The following CDH3 variants were observed in gnomAD, a reference collection of about 807,000 sequenced individuals.
The protein encoded by CDH3 is cadherin 3.
A neutral mutation model predicts 82.0 loss-of-function variants in CDH3; 54 were observed. That is an observed-to-expected ratio of 0.66 (90% CI 0.53 to 0.83). The LOEUF (loss-of-function observed/expected upper bound fraction) is 0.83. CDH3 is among the 40% of genes least tolerant of loss of function. CDH3 has a pLI of 0.00. For synonymous variants in CDH3, 446 were observed against 437.9 expected, an observed-to-expected ratio of 1.02 and a Z score of -0.23; for missense variants, 1,054 against 1,084.6, an observed-to-expected ratio of 0.97 and a Z score of 0.40.
chr16:68,647,971 G>T (rs1029789018), intron 2 of CDH3, among the ~76,000 whole-genome samples: 1 of 152,172 alleles, frequency 6.6e-6, no homozygotes, highest in Non-Finnish European at 1.5e-5. Context: ...TCAGCTCAAA[G>T]AACTTATCTG....
intron 1 of CDH3, among the ~76,000 whole-genome samples, chr16:68,716,134 GGTGCAT>G (rs1962092236): frequency 6.6e-6 from 1 of 151,820 alleles, no homozygotes; most frequent in Non-Finnish European, 1.5e-5. Context: ...TGGGTGTGGT[GGTGCAT>G]GTCTGTAATC....
At chr16:68,647,542 G>A (rs1378921730) in intron 2 of CDH3, among the ~76,000 whole-genome samples, 2 of 152,092 alleles carry the variant, frequency 1.3e-5, no homozygotes, top group Non-Finnish European at 2.9e-5. Flanking sequence ...TTTGCGCCAG[G>A]AGCACACCTG....
intron 6 of CDH3, among the ~76,000 whole-genome samples, chr16:68,679,320 G>A (rs1567448369): frequency 6.6e-6 from 1 of 152,210 alleles, no homozygotes; most frequent in African/African-American, 2.4e-5. Flanking sequence ...CAGACTGTTA[G>A]GTAATACAGA....
At chr16:68,681,739 G>A (rs576339601) in intron 8 of CDH3, among the ~76,000 whole-genome samples, 3 of 152,150 alleles carry the variant, frequency 2.0e-5, no homozygotes, top group African/African-American at 7.2e-5. Context: ...TTGGGAAGCT[G>A]AGACATGAGG....
intron 2 of CDH3, among the ~76,000 whole-genome samples, chr16:68,668,920 A>G (rs1960813395): frequency 6.6e-6 from 1 of 152,174 alleles, no homozygotes; most frequent in South Asian, 2.1e-4. Flanking sequence ...TTTGAACACT[A>G]TCCCATTTAA....
At chr16:68,679,598 G>A (rs1046793988) in intron 6 of CDH3, among the ~76,000 whole-genome samples, 4 of 146,074 alleles carry the variant, frequency 2.7e-5, no homozygotes, top group Admixed American at 7.1e-5. Flanking sequence ...AGGAGGCTGA[G>A]GCAGGAGAAT....
rs142269020 is a variant in CDH3 at position 68,721,957 on chromosome 16, C to T, written c.100-468C>T. On this transcript the variant is annotated intron_variant, in intron 1 of 2. Transcript: ENST00000569080. ...ATACAAAAGTTAGCTGGGTGTGTGG[C>T]GGGTGCCTGTAACTCCAGCTACTCA... Among the ~76,000 whole-genome samples the T allele has an allele frequency of 5.8e-3, 878 of 151,986 alleles. 9 individuals are homozygous for T. The highest frequency in any genetic ancestry group is 0.019 in the African/African-American group (794 of 41,472).
At position 68,695,842 on chromosome 16, in the gene CDH3, C is replaced by G; in HGVS notation, c.2199C>G (p.Asp733Glu). Residue 733 changes from aspartate to glutamate, a missense_variant, in exon 15 of 16, where the codon GAC becomes GAG. Asp to Glu is a conservative substitution (Grantham distance 45). Coordinates refer to ENST00000264012, the MANE Select transcript of CDH3 (RefSeq NM_001793.6). Reference protein sequence around the residue: ...EARPEVVLRNDVAPTIIPTPM... With the variant: ...EARPEVVLRNEVAPTIIPTPM... ...GGCCGGAGGTGGTTCTCCGCAATGACGTGGCACCAACCATCATCCCGACAC... is the reference window on the plus strand; with the variant it reads ...GGCCGGAGGTGGTTCTCCGCAATGAGGTGGCACCAACCATCATCCCGACAC... 6.2e-7 allele frequency: 1 copy of G among 1,614,100 alleles called. No homozygotes were observed. Among genetic ancestry groups the G allele is most frequent in the South Asian group, 1.1e-5 (1 of 91,068 alleles).
At position 68,713,618 on chromosome 16, in the gene CDH3, A is replaced by G. The variant is rs114169373; in HGVS notation, c.100-8807A>G. Among the ~76,000 whole-genome samples, 744 of 152,182 alleles carry G rather than the reference A, an allele frequency of 4.9e-3. 5 individuals are homozygous for G. The highest frequency in any genetic ancestry group is 0.017 in the African/African-American group (715 of 41,510). On this transcript the variant is annotated intron_variant, in intron 1 of 2. Coordinates refer to the CDH3 transcript ENST00000569080. ...CCAGAGTGACCTTTCCGGAACGCAG[A>G]TCCCATCACATCCCTTCTCTGCTTA...
In CDH3 at chr16:68,645,700, C is replaced by T. The variant is rs1455527740; in HGVS notation, c.110C>T (p.Thr37Ile). Reference protein sequence around the residue: ...CRAVFREAEVTLEAGGAEQEP... With the variant: ...CRAVFREAEVILEAGGAEQEP... ...GCGGTCTTCAGGGAGGCTGAAGTGACCTTGGAGGCGGGAGGCGCGGAGCAG... is the reference window on the plus strand; with the variant it reads ...GCGGTCTTCAGGGAGGCTGAAGTGATCTTGGAGGCGGGAGGCGCGGAGCAG... Residue 37 changes from threonine (T) to isoleucine (I), a missense_variant, in exon 2 of 16, where the codon ACC (threonine) becomes ATC (isoleucine). Physicochemically the swap from Thr to Ile is moderately conservative, Grantham distance 89 (BLOSUM62 -1). Transcript: ENST00000264012. 11 of 1,546,382 alleles carry T rather than the reference C, an allele frequency of 7.1e-6. No individual in the cohort carries two copies. The highest frequency in any genetic ancestry group is 8.7e-6 in the Non-Finnish European group (10 of 1,146,598).
At chr16:68,676,528 A>C in intron 3 of CDH3, 58 bp downstream of exon 3, 1 of 1,382,538 alleles carries the variant, frequency 7.2e-7, no homozygotes, top group Non-Finnish European at 1.0e-6. Flanking sequence ...GCATGCCCAA[A>C]TTGCTGGCCA....
intron 2 of CDH3, among the ~76,000 whole-genome samples, chr16:68,652,125 G>C (rs1428617632): frequency 1.3e-5 from 2 of 152,186 alleles, no homozygotes; most frequent in African/African-American, 4.8e-5. Context: ...GCAACAAACA[G>C]AAGGCCAGGA....
intron 8 of CDH3, 129 bp downstream of exon 8, chr16:68,681,225 GAAAAC>G: frequency 1.1e-6 from 1 of 948,608 alleles, no homozygotes; most frequent in Non-Finnish European, 1.7e-6. Context: ...GTGACCTTAG[GAAAAC>G]TACCTAACCT....
At chr16:68,700,448 G>C (rs558048763), downstream of CDH3, among the ~76,000 whole-genome samples, 104 of 152,330 alleles carry the variant, frequency 6.8e-4, 2 homozygotes, top group Middle Eastern at 0.01. Flanking sequence ...TTGCTGCCAA[G>C]ACTCTGAAGG....
chr16:68,645,472 G>A (rs1481034088), intron 1 of CDH3, 48 bp downstream of exon 1: 5 of 1,596,734 alleles, frequency 3.1e-6, no homozygotes, highest in East Asian at 2.2e-5. Context: ...CTCCCTGGGG[G>A]GCGGGCGGGG....
intron 2 of CDH3, chr16:68,651,608 G>T: frequency 2.0e-6 from 1 of 507,094 alleles, no homozygotes; most frequent in South Asian, 1.6e-5. Context: ...CCTGCATCAT[G>T]TTCCCACTCT....
intron 2 of CDH3, among the ~76,000 whole-genome samples, chr16:68,723,898 T>C (rs1962190202): frequency 6.6e-6 from 1 of 151,948 alleles, no homozygotes; most frequent in African/African-American, 2.4e-5. Flanking sequence ...TGAAACCCCG[T>C]CTCTACTAAA....
At position 68,678,599 on chromosome 16, in the gene CDH3, G is replaced by GA. The variant is rs757142746; in HGVS notation, c.490dup (p.Thr164AsnfsTer8). 5 of 1,614,238 alleles carry GA rather than the reference G, an allele frequency of 3.1e-6. No homozygotes were observed. In the South Asian group the frequency reaches 5.5e-5, roughly 18 times the overall value. On this transcript the variant is annotated frameshift_variant, in exon 5 of 16. Coordinates refer to ENST00000264012, the MANE Select transcript of CDH3 (RefSeq NM_001793.6). LOFTEE classifies it high-confidence loss of function. ...AGGGTGTCTTCGCTGTAGAGAAGGA[G>GA]ACAGGCTGGTTGTTGTTGAATAAGC... is the stretch of plus-strand genomic sequence containing the variant.
chr16:68,646,031 G>A (rs1960049230), intron 2 of CDH3: 4 of 476,934 alleles, frequency 8.4e-6, no homozygotes, highest in African/African-American at 2.0e-5. Flanking sequence ...ACCCAGTCTC[G>A]ACGTGGGAAG....
Sources: allele counts gnomAD v4.1 joint callset (sites outside exome capture counted in the v4.1 genomes callset), GRCh38; gene constraint gnomAD v4.1.1; transcripts MANE v1.5; gene names NCBI Gene and HGNC (gene_info 2026-07-23, HGNC 2026-07-21).